The following PDE6B variants were observed in gnomAD, a reference collection of about 807,000 sequenced individuals.
PDE6B encodes phosphodiesterase 6B, also known as rod cGMP-specific 3',5'-cyclic phosphodiesterase subunit beta.
A neutral mutation model predicts 109.0 loss-of-function variants in PDE6B; 106 were observed. The ratio of observed to expected loss-of-function variants is 0.97; its 90% CI spans 0.83 to 1.14. The LOEUF (loss-of-function observed/expected upper bound fraction) is 1.14. Ranked by LOEUF, PDE6B falls within the 50% of genes most tolerant of loss-of-function variation. The pLI is 0.00. For synonymous variants in PDE6B, 490 were observed against 471.3 expected, an observed-to-expected ratio of 1.04 and a Z score of -0.51; for missense variants, 1,193 against 1,155.6, an observed-to-expected ratio of 1.03 and a Z score of -0.47.
chr4:636,152 C>G lies in PDE6B; in HGVS notation c.711+183C>G, dbSNP rs558166590. Among the ~76,000 whole-genome samples, 4 of 152,214 alleles carry G rather than the reference C, an allele frequency of 2.6e-5. No homozygotes were observed. Among genetic ancestry groups the G allele is most frequent in the African/African-American group, 9.6e-5 (4 of 41,536 alleles). ...CTGTGGCTGTGCTGAGCTGCAATGGCCAGACCCATCTGCCACCTGCCTGCC... is the reference window on the plus strand; with the variant it reads ...CTGTGGCTGTGCTGAGCTGCAATGGGCAGACCCATCTGCCACCTGCCTGCC... On this transcript the variant is annotated intron_variant, in intron 3 of 21. Coordinates refer to ENST00000496514, the MANE Select transcript of PDE6B (RefSeq NM_000283.4). This position sits in a 1 kb window ranked among gnomAD's most constrained non-coding sequence, Gnocchi z 4.5.
intron 3 of PDE6B, among the ~76,000 whole-genome samples, chr4:638,494 T>C (rs2109142618): frequency 6.6e-6 from 1 of 152,258 alleles, no homozygotes; most frequent in Admixed American, 6.5e-5. Flanking sequence ...AGCTAGTTTT[T>C]GTATTTTTAG....
chr4:660,415 A>T, intron 11 of PDE6B, 52 bp from the exon 12 acceptor site: 1 of 1,586,410 alleles, frequency 6.3e-7, no homozygotes, highest in Non-Finnish European at 8.7e-7. Context: ...GATGAGAAGC[A>T]AGTGGGGGCT....
rs1735846674 is a variant in PDE6B, at chr4:653,904, G to C, written c.764G>C (p.Arg255Thr). ...TTTGAGGAGCTGACGGACATCGAGA[G>C]GCAGTTCCACAAGGCCTTCTACACG... Reference protein sequence around the residue: ...KVFEELTDIERQFHKAFYTVR... With the variant: ...KVFEELTDIETQFHKAFYTVR... The change falls in exon 4 of 22, where the codon AGG becomes ACG. Residue 255 changes from arginine to threonine, a missense_variant. Physicochemically the swap from Arg to Thr is moderately conservative, Grantham distance 71. Coordinates refer to ENST00000496514, the MANE Select transcript of PDE6B (RefSeq NM_000283.4). 6.2e-7 allele frequency: 1 copy of C among 1,613,784 alleles called. No individual in the cohort carries two copies. Among genetic ancestry groups the C allele is most frequent in the Non-Finnish European group, 8.5e-7 (1 of 1,180,004 alleles).
At position 625,893 on chromosome 4, in the gene PDE6B, C is replaced by T. The variant is rs147181781; in HGVS notation, c.267C>T (p.Ala89=). ...GGCGCCTCTGCACCCTCCTGCAGGC[C>T]GACCGCTGCAGCCTCTTCATGTACC... is the stretch of plus-strand genomic sequence containing the variant. ...VLRRLCTLLQ[A]DRCSLFMYRQ... Residue 89 remains alanine (A), a synonymous_variant, in exon 1 of 22, where the codon GCC becomes GCT. Coordinates refer to ENST00000496514, the MANE Select transcript of PDE6B (RefSeq NM_000283.4). This position sits in a 1 kb window ranked among gnomAD's most constrained non-coding sequence, Gnocchi z 5.0. 219 of 1,604,074 alleles carry T rather than the reference C, an allele frequency of 1.4e-4. No individual in the cohort carries two copies. The highest frequency in any genetic ancestry group is 1.3e-3 in the African/African-American group (97 of 74,868).
chr4:648,259 C>G lies in PDE6B; in HGVS notation c.712-5593C>G, dbSNP rs76670575. Reference sequence around the variant, plus strand: ...GGTTCTAACACGTGACCTTGTGTCTCCATGTGAGACTTTCGATTTTGCACC... The same window carrying G: ...GGTTCTAACACGTGACCTTGTGTCTGCATGTGAGACTTTCGATTTTGCACC... On this transcript the variant is annotated intron_variant, in intron 3 of 21. Coordinates refer to ENST00000496514, the MANE Select transcript of PDE6B (RefSeq NM_000283.4). This position sits in a 1 kb window ranked among gnomAD's most constrained non-coding sequence, Gnocchi z 4.5. Among the ~76,000 whole-genome samples, 283 of 152,160 alleles carry G rather than the reference C, an allele frequency of 1.9e-3. 4 individuals are homozygous for G. Among genetic ancestry groups the G allele is most frequent in the African/African-American group, 6.5e-3 (271 of 41,418 alleles).
In PDE6B at chr4:669,685, C is replaced by G. The variant is rs1158538065; in HGVS notation, c.2504-361C>G. On this transcript the variant is annotated intron_variant, in intron 21 of 21. Coordinates refer to ENST00000496514, the MANE Select transcript of PDE6B (RefSeq NM_000283.4). ...CGCTACGCCATGCTATTCCCGCTACCCCATGCTATTCCCGCTACCCCATGC... is the reference window on the plus strand; with the variant it reads ...CGCTACGCCATGCTATTCCCGCTACGCCATGCTATTCCCGCTACCCCATGC... 6.3e-5 allele frequency among the ~76,000 whole-genome samples: 8 copies of G among 126,436 alleles called. No homozygotes were observed. The East Asian group carries it at 6.6e-4, about 11-fold the overall frequency. The allele number at this position is 126,436 out of a possible 152,430, so 82.9% of individuals were successfully genotyped here.
At chr4:655,734 A>G in intron 6 of PDE6B, 1 of 645,984 alleles carries the variant, frequency 1.5e-6, no homozygotes, top group Non-Finnish European at 2.8e-6. Context: ...ATCTGACCCC[A>G]GTACACCTAC....
intron 3 of PDE6B, among the ~76,000 whole-genome samples, chr4:651,051 C>T (rs1291952609): frequency 2.0e-5 from 3 of 147,438 alleles, no homozygotes; most frequent in Admixed American, 6.7e-5. Flanking sequence ...ACAGGCAGGA[C>T]GGGCTGAGGC....
chr4:645,587 G>T (rs1310123143), intron 3 of PDE6B, among the ~76,000 whole-genome samples: 1 of 152,048 alleles, frequency 6.6e-6, no homozygotes, highest in Admixed American at 6.5e-5. Context: ...GAGCCACCGC[G>T]CCCGGCCAGG....
chr4:652,435 A>T, intron 3 of PDE6B: 2 of 903,678 alleles, frequency 2.2e-6, no homozygotes, highest in Non-Finnish European at 2.6e-6. Flanking sequence ...AGAGATAGAG[A>T]AAGCAGAGAC....
chr4:655,943 A>C lies in PDE6B; in HGVS notation c.996A>C (p.Thr332=), dbSNP rs768729007. The C allele has an allele frequency of 1.9e-6, 3 of 1,606,640 alleles. No individual in the cohort carries two copies. Among genetic ancestry groups the C allele is most frequent in the Admixed American group, 3.3e-5 (2 of 59,994 alleles). Reference sequence around the variant, plus strand: ...GACCCCTGCTCTCTGCCCACAGCACACCCTCAGCCGATCACTGGGCCCTGG... The same window carrying C: ...GACCCCTGCTCTCTGCCCACAGCACCCCCTCAGCCGATCACTGGGCCCTGG... The part of the protein sequence containing the change: ...HGKEEIKVIP[T]PSADHWALAS... Residue 332 remains threonine (T), a synonymous_variant, in exon 7 of 22, where the codon ACA becomes ACC. Coordinates refer to ENST00000496514, the MANE Select transcript of PDE6B (RefSeq NM_000283.4).
chr4:657,831 G>A (rs2109222521), intron 10 of PDE6B, among the ~76,000 whole-genome samples: 1 of 145,136 alleles, frequency 6.9e-6, no homozygotes, highest in Admixed American at 6.8e-5. Flanking sequence ...GCGGGGGCAG[G>A]TCGTCCAGGG....
chr4:633,073 A>G lies in PDE6B; in HGVS notation c.469-1604A>G, dbSNP rs1435026249. ...ACGGCTGGTGGAGGAGACACTGTCC[A>G]AACTGCCACAGGCACAACAGGCACC... On this transcript the variant is annotated intron_variant, in intron 1 of 21. Coordinates refer to ENST00000496514, the MANE Select transcript of PDE6B (RefSeq NM_000283.4). This position sits in a 1 kb window ranked among gnomAD's most constrained non-coding sequence, Gnocchi z 4.5. 6.6e-6 allele frequency among the ~76,000 whole-genome samples: 1 copy of G among 152,136 alleles called. No homozygotes were observed. The highest frequency in any genetic ancestry group is 2.1e-4 in the South Asian group (1 of 4,826).
chr4:638,728 G>T lies in PDE6B; in HGVS notation c.711+2759G>T, dbSNP rs576504998. Among the ~76,000 whole-genome samples, 3 of 152,334 alleles carry T rather than the reference G, an allele frequency of 2.0e-5. No homozygotes were observed. The East Asian group carries it at 5.8e-4, about 29-fold the overall frequency. On this transcript the variant is annotated intron_variant, in intron 3 of 21. Coordinates refer to ENST00000496514, the MANE Select transcript of PDE6B (RefSeq NM_000283.4). ...ATTGAGGGCCCCAATGAGGGTCCCA[G>T]TAATGAGGGGTCCTCGTTACCCTAG... is the stretch of plus-strand genomic sequence containing the variant.
At position 656,283 on chromosome 4, in the gene PDE6B, C is replaced by T. The variant is rs778141106; in HGVS notation, c.1098C>T (p.Phe366=). 6.3e-7 allele frequency: 1 copy of T among 1,577,514 alleles called. No individual in the cohort carries two copies. Among genetic ancestry groups the T allele is most frequent in the South Asian group, 1.1e-5 (1 of 90,346 alleles). ...TGAATGCTTCCGCTGACGAAATGTT[C>T]AAATTTCAGGTATCTGTCTGTGCCT... The part of the protein sequence containing the change: ...NIMNASADEM[F]KFQEGALDDS... Residue 366 remains phenylalanine (F), a synonymous_variant, in exon 8 of 22, where the codon TTC becomes TTT. Coordinates refer to ENST00000496514, the MANE Select transcript of PDE6B (RefSeq NM_000283.4).
intron 11 of PDE6B, among the ~76,000 whole-genome samples, chr4:659,942 A>G (rs775677277): frequency 6.6e-6 from 1 of 152,148 alleles, no homozygotes; most frequent in Admixed American, 6.5e-5. Context: ...TGGACTGAGC[A>G]TGGGAATGTG....
Position 663,127 on chromosome 4 carries a change from C to A in PDE6B, c.1860C>A (p.His620Gln), listed in dbSNP as rs371908618. ...CCCAGAACCCCTTGGCTAAGCTCCA[C>A]GGCTCCTCGATTTTGGAGCGGCACC... ...MKSQNPLAKL[H>Q]GSSILERHHL... The change falls in exon 15 of 22, where the codon CAC becomes CAA. Residue 620 changes from histidine to glutamine, a missense_variant. By Grantham distance (24) the His-to-Gln change is conservative. Transcript: ENST00000496514. This position sits in a 1 kb window ranked among gnomAD's most constrained non-coding sequence, Gnocchi z 4.0. The A allele has an allele frequency of 2.5e-6, 4 of 1,611,592 alleles. No individual in the cohort carries two copies. The highest frequency in any genetic ancestry group is 3.4e-6 in the Non-Finnish European group (4 of 1,177,888).
At chr4:635,158 C>T (rs1279311852) in intron 2 of PDE6B, among the ~76,000 whole-genome samples, 5 of 123,396 alleles carry the variant, frequency 4.1e-5, no homozygotes, top group Non-Finnish European at 5.2e-5. Flanking sequence ...TGCCTGCCCG[C>T]GTGTTCTGTG....
At position 662,314 on chromosome 4, in the gene PDE6B, G is replaced by A. The variant is rs1737201949; in HGVS notation, c.1722+73G>A. 1 of 902,786 alleles carries A rather than the reference G, an allele frequency of 1.1e-6. No homozygotes were observed. Among genetic ancestry groups the A allele is most frequent in the Admixed American group, 2.0e-5 (1 of 50,266 alleles). 55.9% of individuals were successfully genotyped at this position (902,786 alleles called of 1,614,324 possible). ...CAAGGGCAGCACTCAAGCACCCCGA[G>A]GGATGAGATGGGGGTCCTCCCAGGG... On this transcript the variant is annotated intron_variant, in intron 13 of 21. Transcript: ENST00000496514. The surrounding 1 kb of genome is among the most constrained non-coding windows in gnomAD (Gnocchi z 4.3).
Sources: gnomAD v4.1 joint callset for allele counts (sites outside exome capture counted in the v4.1 genomes callset) on GRCh38, gnomAD v4.1.1 for gene constraint, Gnocchi (gnomAD v3.1) non-coding constraint, MANE v1.5 for transcripts, NCBI Gene and HGNC (gene_info 2026-07-23, HGNC 2026-07-21) for gene names.